Variants in MCM5 observed in about 807,000 individuals in gnomAD.
MCM5 encodes DNA replication licensing factor MCM5.
MCM5 carries 46 observed loss-of-function variants against 79.9 expected under a neutral mutation model. The observed-to-expected ratio is 0.58, with a 90% confidence interval of 0.45 to 0.74. The LOEUF is 0.74. Among genes scored for constraint, MCM5 ranks in the 30% least tolerant of loss-of-function variants. MCM5 has a pLI of 0.00. For synonymous variants in MCM5, 404 were observed against 390.5 expected (o/e 1.03, Z -0.41); for missense variants, 883 against 1,017.0 (o/e 0.87, Z 1.79).
intron 6 of MCM5, 140 bp from the exon 7 acceptor site, chr22:35,410,604 C>A: frequency 2.5e-6 from 2 of 796,242 alleles, no homozygotes; most frequent in Non-Finnish European, 4.4e-6. Context: ...CTCCGTGGGG[C>A]TGGAGCCAGC....
intron 14 of MCM5, 136 bp downstream of exon 14, chr22:35,420,148 C>T (rs1421769069): frequency 2.8e-6 from 3 of 1,055,194 alleles, no homozygotes; most frequent in Non-Finnish European, 3.9e-6. Context: ...GGAAGAGTCC[C>T]TTTGGAGCAT....
At chr22:35,428,149 T>G (rs1278410889), downstream of MCM5, among the ~76,000 whole-genome samples, 1 of 151,252 alleles carries the variant, frequency 6.6e-6, no homozygotes, top group Non-Finnish European at 1.5e-5. Flanking sequence ...GCCTCCTGAG[T>G]AGCTGGGATT....
At chr22:35,436,030 G>A in the MCM5 span, among the ~76,000 whole-genome samples, 1 of 151,972 alleles carries the variant, frequency 6.6e-6, no homozygotes, top group African/African-American at 2.4e-5. Flanking sequence ...AGCTGGGCAT[G>A]GTGGTGCATG....
chr22:35,432,561 G>A, the MCM5 span, among the ~76,000 whole-genome samples: 1 of 152,212 alleles, frequency 6.6e-6, no homozygotes, highest in African/African-American at 2.4e-5. Flanking sequence ...CAACTTCCTT[G>A]GGGAGGAAAG....
chr22:35,403,621 T>C lies in MCM5; in HGVS notation c.423+79T>C, dbSNP rs916661121. ...AGACCTGAGTGCTAGCTGTGTGGCC[T>C]TGAGTGAGGCACTTGACCTTTCTGA... On this transcript the variant is annotated intron_variant, in intron 4 of 16. Coordinates refer to ENST00000216122, the MANE Select transcript of MCM5 (RefSeq NM_006739.4). 5 of 1,537,014 alleles carry C rather than the reference T, an allele frequency of 3.3e-6. No homozygotes were observed. In the East Asian group the frequency reaches 1.1e-4, roughly 35 times the overall value.
At chr22:35,441,111 G>T in the MCM5 span, among the ~76,000 whole-genome samples, 2 of 151,972 alleles carry the variant, frequency 1.3e-5, no homozygotes, top group African/African-American at 4.8e-5. Context: ...AAGGGACCTT[G>T]CGTCCAAGGT....
At chr22:35,445,697 G>A in the MCM5 span, among the ~76,000 whole-genome samples, 1 of 152,032 alleles carries the variant, frequency 6.6e-6, no homozygotes, top group African/African-American at 2.4e-5. Flanking sequence ...TTTTAGTAGA[G>A]ATAGGGTTTC....
chr22:35,448,442 A>G, the MCM5 span, among the ~76,000 whole-genome samples: 1 of 151,664 alleles, frequency 6.6e-6, no homozygotes, highest in Non-Finnish European at 1.5e-5. Flanking sequence ...CATCTTCCCA[A>G]CCACATGCCA....
chr22:35,400,624 C>G lies in MCM5; in HGVS notation c.167+19C>G. ...AATACAGGTGCGGCTCCTGCGGGGC[C>G]GGGGGCTCGAGTTCCAGTGTGGCCG... On this transcript the variant is annotated intron_variant, in intron 2 of 16. Coordinates refer to ENST00000216122, the MANE Select transcript of MCM5 (RefSeq NM_006739.4). 1 of 1,576,168 alleles carries G rather than the reference C, an allele frequency of 6.3e-7. No homozygotes were observed. The highest frequency in any genetic ancestry group is 8.6e-7 in the Non-Finnish European group (1 of 1,160,530).
the MCM5 span, among the ~76,000 whole-genome samples, chr22:35,447,492 AG>A: frequency 1.5e-5 from 2 of 136,014 alleles, no homozygotes; most frequent in Admixed American, 7.2e-5. Flanking sequence ...TTTATTTTTG[AG>A]ACAGAGTCGT....
At chr22:35,447,494 A>T in the MCM5 span, among the ~76,000 whole-genome samples, 8 of 147,920 alleles carry the variant, frequency 5.4e-5, no homozygotes, top group South Asian at 4.3e-4. Context: ...TATTTTTGAG[A>T]CAGAGTCGTA....
At chr22:35,453,782 CAG>C in the MCM5 span, among the ~76,000 whole-genome samples, 3 of 121,802 alleles carry the variant, frequency 2.5e-5, no homozygotes, top group East Asian at 2.4e-4. Flanking sequence ...TATAGGAAGA[CAG>C]AGATAGAGAC....
chr22:35,404,800 G>C (rs1932162254), intron 4 of MCM5, among the ~76,000 whole-genome samples: 1 of 152,186 alleles, frequency 6.6e-6, no homozygotes, highest in Admixed American at 6.5e-5. Flanking sequence ...AGGGCATTGA[G>C]AAACGGAGAC....
chr22:35,403,068 TG>T, intron 2 of MCM5, 138 bp from the exon 3 acceptor site: 1 of 980,318 alleles, frequency 1.0e-6, no homozygotes, highest in East Asian at 2.5e-5. Flanking sequence ...TGGAATTAGA[TG>T]TGTGTTTGGG....
intron 6 of MCM5, among the ~76,000 whole-genome samples, chr22:35,409,180 G>A (rs1370733757): frequency 6.6e-6 from 1 of 152,114 alleles, no homozygotes; most frequent in Non-Finnish European, 1.5e-5. Flanking sequence ...AGCCAGGATG[G>A]TCTCGATCTC....
At chr22:35,448,395 C>T in the MCM5 span, among the ~76,000 whole-genome samples, 3 of 152,256 alleles carry the variant, frequency 2.0e-5, no homozygotes, top group East Asian at 5.8e-4. Context: ...CAGAGTCCTC[C>T]CCACTGCCAT....
Position 35,406,717 on chromosome 22 carries a change from G to T in MCM5, c.588G>T (p.Lys196Asn), listed in dbSNP as rs771087991. Residue 196 changes from lysine (K) to asparagine (N), a missense_variant, in exon 5 of 17, where the codon AAG becomes AAT. Physicochemically the swap from Lys to Asn is moderately conservative, Grantham distance 94. Around this residue, in one of 3 missense-constraint regions of MCM5, gnomAD observed 455 missense variants for 517.5 expected, o/e 0.88. Transcript: ENST00000216122. ...PGLEGYALPR[K>N]CNTDQAGRPK... ...TCGAGGGCTATGCCCTGCCCAGGAA[G>T]TGCAACACGTGAGTCTGTGGCCCAG... 1.2e-6 allele frequency: 2 copies of T among 1,607,092 alleles called. No homozygotes were observed. The highest frequency in any genetic ancestry group is 1.3e-5 in the African/African-American group (1 of 74,934).
At chr22:35,407,664 C>G (rs1932256995) in intron 5 of MCM5, among the ~76,000 whole-genome samples, 1 of 152,262 alleles carries the variant, frequency 6.6e-6, no homozygotes, top group South Asian at 2.1e-4. Context: ...CTTCAGGCTT[C>G]TCTTCACATG....
At chr22:35,433,721 C>T in the MCM5 span, among the ~76,000 whole-genome samples, 1 of 152,218 alleles carries the variant, frequency 6.6e-6, no homozygotes, top group Non-Finnish European at 1.5e-5. Context: ...TTTCCATCTG[C>T]AGGACCCAGG....
Sources: allele counts gnomAD v4.1 joint callset (sites outside exome capture counted in the v4.1 genomes callset), GRCh38; gene constraint gnomAD v4.1.1; regional missense constraint gnomAD v4.1.1; transcripts MANE v1.5; gene names NCBI Gene and HGNC (gene_info 2026-07-23, HGNC 2026-07-21).